The following DNAAF9 variants were observed in gnomAD, a reference collection of about 807,000 sequenced individuals.
The protein encoded by DNAAF9 is shulin.
A neutral mutation model predicts 167.0 loss-of-function variants in DNAAF9; 90 were observed. The ratio of observed to expected loss-of-function variants is 0.54; its 90% CI spans 0.45 to 0.64. DNAAF9 has a LOEUF of 0.64. Ranked by LOEUF, DNAAF9 falls within the 30% of genes least tolerant of loss-of-function variation. The pLI is 0.00. For missense variants in DNAAF9, 1,315 were observed against 1,442.2 expected (o/e 0.91, Z 1.43); for synonymous variants, 491 against 508.8 (o/e 0.96, Z 0.47).
chr20:3,306,870 A>G, intron 20 of DNAAF9: 1 of 982,414 alleles, frequency 1.0e-6, no homozygotes, highest in Non-Finnish European at 1.2e-6. Flanking sequence ...CTGCCACAAG[A>G]TGACTCTACT....
intron 30 of DNAAF9, 88 bp from the exon 31 acceptor site, chr20:3,264,612 C>A: frequency 2.7e-6 from 2 of 748,576 alleles, no homozygotes; most frequent in Non-Finnish European, 4.7e-6. Flanking sequence ...GCTCTGTCGC[C>A]AGGCTGGAGT....
intron 23 of DNAAF9, chr20:3,295,493 T>TTA (rs1249357084): frequency 6.9e-6 from 2 of 288,868 alleles, no homozygotes; most frequent in East Asian, 8.7e-5. Context: ...TTTTTTTTTT[T>TTA]AAAGAAGCCC....
intron 7 of DNAAF9, 61 bp from the exon 8 acceptor site, chr20:3,348,684 G>T: frequency 1.0e-6 from 1 of 983,566 alleles, no homozygotes; most frequent in South Asian, 1.6e-5. Context: ...TTTAGAAAAC[G>T]AGAATTATGA....
chr20:3,343,423 A>C (rs1374854677), intron 9 of DNAAF9, among the ~76,000 whole-genome samples: 3 of 152,352 alleles, frequency 2.0e-5, no homozygotes, highest in African/African-American at 4.8e-5. Context: ...CTGGGATTAC[A>C]GGCATGAGCC....
chr20:3,353,376 T>C (rs1442535779), intron 7 of DNAAF9, among the ~76,000 whole-genome samples: 1 of 152,018 alleles, frequency 6.6e-6, no homozygotes, highest in African/African-American at 2.4e-5. Context: ...CCGGGTGCGG[T>C]GGCTCATCCA....
chr20:3,269,284 A>G (rs2068548881), intron 30 of DNAAF9, among the ~76,000 whole-genome samples: 1 of 151,358 alleles, frequency 6.6e-6, no homozygotes, highest in African/African-American at 2.4e-5. Flanking sequence ...ATCATGGCTC[A>G]GTATAACCCT....
intron 29 of DNAAF9, 39 bp downstream of exon 29, chr20:3,278,873 T>C: frequency 8.5e-6 from 12 of 1,420,002 alleles, no homozygotes; most frequent in Non-Finnish European, 1.1e-5. Context: ...CTACTGAACT[T>C]GCAAGGCATG....
intron 6 of DNAAF9, among the ~76,000 whole-genome samples, chr20:3,365,868 T>C (rs983884503): frequency 6.6e-6 from 1 of 152,334 alleles, no homozygotes; most frequent in African/African-American, 2.4e-5. Context: ...CCACTTTCTT[T>C]ACTCATCCAT....
intron 2 of DNAAF9, among the ~76,000 whole-genome samples, chr20:3,381,783 C>T (rs2083657677): frequency 6.6e-6 from 1 of 152,152 alleles, no homozygotes; most frequent in Non-Finnish European, 1.5e-5. Context: ...TTTCAGTTAG[C>T]TTAAGAATAG....
chr20:3,384,332 T>C (rs2083703745), intron 1 of DNAAF9: 1 of 152,234 alleles, frequency 6.6e-6, no homozygotes, highest in Non-Finnish European at 1.5e-5. Context: ...TGGTCTCTCC[T>C]GAGCATAAAG....
At chr20:3,267,057 G>A (rs1231991654) in intron 30 of DNAAF9, among the ~76,000 whole-genome samples, 1 of 151,684 alleles carries the variant, frequency 6.6e-6, no homozygotes, top group Non-Finnish European at 1.5e-5. Flanking sequence ...TTGCCATATT[G>A]GTCAGGCTGA....
In DNAAF9 at chr20:3,347,827, C is replaced by T. The variant is rs572437587; in HGVS notation, c.789+698G>A. ...ATCCCAGCTACTTGGGAGGCTGAGG[C>T]AGGAGAATTGCTTGAACCCTGGAGG... On this transcript the variant is annotated intron_variant, in intron 8 of 36. Coordinates refer to ENST00000252032, the MANE Select transcript of DNAAF9 (RefSeq NM_001009984.3). Among the ~76,000 whole-genome samples, 13 of 152,144 alleles carry T rather than the reference C, an allele frequency of 8.5e-5. No homozygotes were observed. The East Asian group carries it at 2.5e-3, about 29-fold the overall frequency.
At chr20:3,271,991 G>A (rs1172229431) in intron 29 of DNAAF9, among the ~76,000 whole-genome samples, 1 of 151,902 alleles carries the variant, frequency 6.6e-6, no homozygotes, top group Non-Finnish European at 1.5e-5. Context: ...CCCATCACCT[G>A]GTTTCAGGAA....
At chr20:3,381,264 T>C in intron 3 of DNAAF9, 115 bp downstream of exon 3, 1 of 835,212 alleles carries the variant, frequency 1.2e-6, no homozygotes, top group East Asian at 2.9e-5. Flanking sequence ...AGCAAACGTT[T>C]ACTGGGGCTT....
At chr20:3,300,200 G>T (rs189311894) in intron 21 of DNAAF9, among the ~76,000 whole-genome samples, 1 of 152,020 alleles carries the variant, frequency 6.6e-6, no homozygotes, top group African/African-American at 2.4e-5. Flanking sequence ...CACTGCGCCC[G>T]GCAGCGTTTT....
chr20:3,338,115 C>T (rs1394477200), intron 10 of DNAAF9, among the ~76,000 whole-genome samples: 1 of 150,352 alleles, frequency 6.7e-6, no homozygotes, highest in Non-Finnish European at 1.5e-5. Context: ...CACACACATA[C>T]ATAAAGAACA....
chr20:3,264,305 G>C (rs558066817), intron 31 of DNAAF9, 133 bp downstream of exon 31: 2 of 619,530 alleles, frequency 3.2e-6, no homozygotes, highest in East Asian at 2.8e-5. Context: ...CAGGCAGGCC[G>C]TGCCAGCTGC....
rs6051794 is a variant in DNAAF9 at position 3,363,459 on chromosome 20, G to A, written c.613-3866C>T. Among the ~76,000 whole-genome samples, 67 of 145,780 alleles carry A rather than the reference G, an allele frequency of 4.6e-4. 2 individuals are homozygous for A. The highest frequency in any genetic ancestry group is 1.1e-3 in the African/African-American group (45 of 39,152). On this transcript the variant is annotated intron_variant, in intron 6 of 36. Transcript: ENST00000252032. ...AGCCTGGGTGACAGAGTGAGACTCC[G>A]TCTCAAAAAAAATAAAAACTAAAAA... is the stretch of plus-strand genomic sequence containing the variant.
intron 36 of DNAAF9, among the ~76,000 whole-genome samples, chr20:3,253,100 G>GATC (rs1320612919): frequency 2.0e-5 from 3 of 152,148 alleles, no homozygotes; most frequent in Non-Finnish European, 2.9e-5. Flanking sequence ...GAGGTAGATG[G>GATC]ATCACTTGAG....
Sources: gnomAD v4.1 joint callset for allele counts (sites outside exome capture counted in the v4.1 genomes callset) on GRCh38, gnomAD v4.1.1 for gene constraint, MANE v1.5 for transcripts, NCBI Gene and HGNC (gene_info 2026-07-23, HGNC 2026-07-21) for gene names.